MRTFA: variants seen among roughly 807,000 people sequenced by gnomAD.
MRTFA encodes myocardin-related transcription factor A.
MRTFA carries 20 observed loss-of-function variants against 83.5 expected under a neutral mutation model. That is an observed-to-expected ratio of 0.24 (90% CI 0.17 to 0.35). The LOEUF (loss-of-function observed/expected upper bound fraction) is 0.35, where lower values mean the gene tolerates loss of function less well. MRTFA is among the 10% of genes least tolerant of loss of function. The pLI is 1.00. For missense variants in MRTFA, 1,200 were observed against 1,224.7 expected (o/e 0.98, Z 0.30); for synonymous variants, 659 against 541.2 (o/e 1.22, Z -3.02).
intron 3 of MRTFA, among the ~76,000 whole-genome samples, chr22:40,520,249 G>C (rs1382868297): frequency 6.6e-6 from 1 of 151,938 alleles, no homozygotes; most frequent in Non-Finnish European, 1.5e-5. Context: ...ATAGTTTATC[G>C]CAACTAATTC....
intron 2 of MRTFA, among the ~76,000 whole-genome samples, chr22:40,577,726 C>T: frequency 6.6e-6 from 1 of 151,880 alleles, no homozygotes; most frequent in East Asian, 1.9e-4. Flanking sequence ...CCTGCCTCAG[C>T]CTCCCGAGTA....
At chr22:40,634,204 C>T (rs992094955) in intron 1 of MRTFA, among the ~76,000 whole-genome samples, 1 of 152,014 alleles carries the variant, frequency 6.6e-6, no homozygotes, top group Non-Finnish European at 1.5e-5. Context: ...CCTCCAGCCT[C>T]AGCCTCCTGA....
At chr22:40,576,666 T>C (rs773490657) in intron 2 of MRTFA, among the ~76,000 whole-genome samples, 9 of 152,200 alleles carry the variant, frequency 5.9e-5, no homozygotes, top group Non-Finnish European at 1.3e-4. Flanking sequence ...ACAAAAACTT[T>C]CTACACCAAC....
At position 40,620,115 on chromosome 22, in the gene MRTFA, A is replaced by G. The variant is rs1046214818; in HGVS notation, c.-84+16363T>C. Among the ~76,000 whole-genome samples the G allele has an allele frequency of 2.9e-5, 4 of 139,560 alleles. No homozygotes were observed. The South Asian group carries it at 9.0e-4, about 32-fold the overall frequency. The allele number at this position is 139,560 out of a possible 152,430, so 91.6% of individuals were successfully genotyped here. Reference sequence around the variant, plus strand: ...TGGGACTACAGACGCATACCACCACACCCAGCTAATTTTTTTTTTTTTTTT... The same window carrying G: ...TGGGACTACAGACGCATACCACCACGCCCAGCTAATTTTTTTTTTTTTTTT... On this transcript the variant is annotated intron_variant, in intron 1 of 14. Transcript: ENST00000355630.
intron 4 of MRTFA, among the ~76,000 whole-genome samples, chr22:40,458,318 T>G (rs1241433536): frequency 1.3e-5 from 2 of 152,252 alleles, no homozygotes; most frequent in African/African-American, 4.8e-5. Context: ...AAAATGATTC[T>G]GTTTAATAGC....
At position 40,410,647 on chromosome 22, in the gene MRTFA, G is replaced by A. The variant is rs936449945; in HGVS notation, c.*743C>T. The A allele has an allele frequency of 2.1e-5, 5 of 233,368 alleles. No homozygotes were observed. Among genetic ancestry groups the A allele is most frequent in the Non-Finnish European group, 4.2e-5 (5 of 117,944 alleles). 14.5% of individuals were successfully genotyped at this position (233,368 alleles called of 1,614,324 possible). On this transcript the variant is annotated 3_prime_UTR_variant, in exon 15 of 15. Coordinates refer to ENST00000355630, the MANE Select transcript of MRTFA (RefSeq NM_020831.6). The stretch of plus-strand genomic sequence containing the variant: ...CAGGGTACCTACATGTCAATCACAC[G>A]TGATGGGTGGGCCTGGGTAGCTGCA...
intron 6 of MRTFA, among the ~76,000 whole-genome samples, chr22:40,430,860 CAAA>C (rs1171650702): frequency 2.8e-5 from 1 of 35,114 alleles, no homozygotes; most frequent in South Asian, 1.1e-3. Flanking sequence ...GACTCCATCA[CAAA>C]AAAAAAAAAA....
At chr22:40,433,317 G>A (rs2053106309) in intron 5 of MRTFA, 1 of 152,342 alleles carries the variant, frequency 6.6e-6, no homozygotes, top group South Asian at 2.1e-4. Flanking sequence ...AAGCACATTT[G>A]TGTCGAAGAA....
chr22:40,587,483 G>A, intron 2 of MRTFA: 1 of 310,070 alleles, frequency 3.2e-6, no homozygotes, highest in Non-Finnish European at 6.3e-6. Flanking sequence ...ATCACTCCAG[G>A]CTTAAGTGGC....
intron 2 of MRTFA, among the ~76,000 whole-genome samples, chr22:40,560,662 A>C (rs2055599662): frequency 6.6e-6 from 1 of 152,176 alleles, no homozygotes; most frequent in South Asian, 2.1e-4. Context: ...TTTTTATCAA[A>C]GGATCAGTAA....
intron 3 of MRTFA, among the ~76,000 whole-genome samples, chr22:40,540,516 G>T (rs573929884): frequency 3.3e-5 from 5 of 152,028 alleles, no homozygotes; most frequent in Admixed American, 6.5e-5. Context: ...GCCAGGCAGC[G>T]CGGTGGCTCA....
intron 4 of MRTFA, among the ~76,000 whole-genome samples, chr22:40,452,805 C>CAAAA (rs34486531): frequency 3.2e-5 from 2 of 62,662 alleles, no homozygotes. Context: ...CACTCCGTCT[C>CAAAA]AAAAAAAAAA....
intron 2 of MRTFA, among the ~76,000 whole-genome samples, chr22:40,558,851 T>C (rs1267665399): frequency 4.0e-5 from 6 of 151,200 alleles, no homozygotes; most frequent in African/African-American, 1.5e-4. Flanking sequence ...AGTGGCACGA[T>C]CTTGGCTCAC....
chr22:40,539,339 A>AT (rs567459121), intron 3 of MRTFA, among the ~76,000 whole-genome samples: 5,779 of 129,554 alleles, frequency 0.045, 365 homozygotes, highest in African/African-American at 0.14. Context: ...GTTATTAACA[A>AT]TTTTTTTTTT....
At chr22:40,608,003 TAGAC>T (rs1321643433) in intron 1 of MRTFA, among the ~76,000 whole-genome samples, 2 of 152,150 alleles carry the variant, frequency 1.3e-5, no homozygotes, top group African/African-American at 2.4e-5. Flanking sequence ...ATGAAAATCA[TAGAC>T]AGGCCATCAG....
At chr22:40,528,737 CAAAAAAAAAA>C (rs11321951) in intron 3 of MRTFA, among the ~76,000 whole-genome samples, 1 of 116,596 alleles carries the variant, frequency 8.6e-6, no homozygotes, top group Non-Finnish European at 1.8e-5. Context: ...AACTCTGCTT[CAAAAAAAAAA>C]AAAAAAAAAG....
At position 40,612,646 on chromosome 22, in the gene MRTFA, G is replaced by GA. The variant is rs558930014; in HGVS notation, c.-83-17912dup. 4.0e-5 allele frequency among the ~76,000 whole-genome samples: 6 copies of GA among 150,468 alleles called. No homozygotes were observed. The South Asian group carries it at 6.3e-4, about 16-fold the overall frequency. ...CTCATAAATCATCAATCTCAATCAA[G>GA]AAAAAAAAACATTTCCATAAGCCAG... On this transcript the variant is annotated intron_variant, in intron 1 of 14. Coordinates refer to ENST00000355630, the MANE Select transcript of MRTFA (RefSeq NM_020831.6).
chr22:40,478,769 C>T lies in MRTFA; in HGVS notation c.242-15483G>A, dbSNP rs373946443. Among the ~76,000 whole-genome samples, 206 of 152,262 alleles carry T rather than the reference C, an allele frequency of 1.4e-3. 3 individuals carry two copies. The highest frequency in any genetic ancestry group is 3.5e-3 in the African/African-American group (144 of 41,532). Reference sequence around the variant, plus strand: ...GAGGCAAACCAGTGTTACAACCCATCGGAATGGCTCCGACAGCAATCAAAC... The same window carrying T: ...GAGGCAAACCAGTGTTACAACCCATTGGAATGGCTCCGACAGCAATCAAAC... On this transcript the variant is annotated intron_variant, in intron 3 of 14. Transcript: ENST00000355630.
chr22:40,539,905 CTTTTTT>C (rs367760561), intron 3 of MRTFA, among the ~76,000 whole-genome samples: 6 of 127,328 alleles, frequency 4.7e-5, no homozygotes, highest in Non-Finnish European at 8.3e-5. Context: ...TCACGGTTAT[CTTTTTT>C]TTTTTTTTTT....
Sources: allele counts gnomAD v4.1 joint callset (sites outside exome capture counted in the v4.1 genomes callset), GRCh38; gene constraint gnomAD v4.1.1; transcripts MANE v1.5; gene names NCBI Gene and HGNC (gene_info 2026-07-23, HGNC 2026-07-21).